TOM1L2: variants seen among roughly 807,000 people sequenced by gnomAD.
TOM1L2 encodes the protein TOM1-like protein 2.
A neutral mutation model predicts 67.9 loss-of-function variants in TOM1L2; 31 were observed. The observed-to-expected ratio is 0.46, with a 90% CI of 0.34 to 0.62. TOM1L2 has a LOEUF of 0.62. TOM1L2 is among the 20% of genes least tolerant of loss of function. TOM1L2 has a pLI of 0.01. For missense variants in TOM1L2, 606 were observed against 663.5 expected (o/e 0.91, Z 0.95); for synonymous variants, 256 against 254.0 (o/e 1.01, Z -0.07).
At chr17:17,970,587 G>T (rs976327854) in intron 1 of TOM1L2, among the ~76,000 whole-genome samples, 1 of 152,210 alleles carries the variant, frequency 6.6e-6, no homozygotes, top group Non-Finnish European at 1.5e-5. Context: ...GTAAGGAAGT[G>T]AGAATCCAGA....
chr17:17,890,749 T>C (rs1346286144), intron 4 of TOM1L2, among the ~76,000 whole-genome samples: 1 of 152,224 alleles, frequency 6.6e-6, no homozygotes, highest in Non-Finnish European at 1.5e-5. Context: ...GGTGTGGTCA[T>C]ATTCTGTTTC....
chr17:17,891,784 CGTGTGTGTGTGT>C (rs374192888), intron 4 of TOM1L2, among the ~76,000 whole-genome samples: 37 of 143,220 alleles, frequency 2.6e-4, no homozygotes, highest in African/African-American at 7.8e-4. Flanking sequence ...TGCATGCACA[CGTGTGTGTGTGT>C]GTGTGTGTGT....
intron 1 of TOM1L2, among the ~76,000 whole-genome samples, chr17:17,962,233 AG>A (rs1218325691): frequency 2.4e-5 from 1 of 41,736 alleles, no homozygotes; most frequent in Non-Finnish European, 4.0e-5. Context: ...GGTAGTTGCC[AG>A]GGGCTGGGGG....
intron 1 of TOM1L2, among the ~76,000 whole-genome samples, chr17:17,952,412 G>A (rs1331258837): frequency 1.5e-4 from 10 of 65,218 alleles, no homozygotes; most frequent in South Asian, 4.5e-4. Context: ...TTTTTTTTGA[G>A]ACAGGATTTC....
At chr17:17,905,173 T>A (rs1388988977) in intron 2 of TOM1L2, among the ~76,000 whole-genome samples, 1 of 152,212 alleles carries the variant, frequency 6.6e-6, no homozygotes, top group African/African-American at 2.4e-5. Flanking sequence ...ACCAAGCTGA[T>A]CACCTATATT....
rs762214201 is a variant in TOM1L2 at position 17,866,937 on chromosome 17, G to A, written c.912-13C>T. On this transcript the variant is annotated splice_polypyrimidine_tract_variant and intron_variant, in intron 8 of 14. Coordinates refer to ENST00000379504, the MANE Select transcript of TOM1L2 (RefSeq NM_001082968.2). ...GTATCGTTCGAACCTAACAGGGGAA[G>A]GGAAAGCAGAAGTAAGGAGAGAGGA... 1 of 1,613,926 alleles carries A rather than the reference G, an allele frequency of 6.2e-7. No homozygotes were observed. The highest frequency in any genetic ancestry group is 1.3e-5 in the African/African-American group (1 of 75,034).
At chr17:17,883,602 C>T (rs1208592788) in intron 5 of TOM1L2, among the ~76,000 whole-genome samples, 4 of 152,120 alleles carry the variant, frequency 2.6e-5, no homozygotes, top group Middle Eastern at 3.2e-3. Flanking sequence ...GGCATGGTGG[C>T]GGTCACCTGT....
chr17:17,852,930 C>T (rs561632163), intron 12 of TOM1L2, among the ~76,000 whole-genome samples: 4 of 150,752 alleles, frequency 2.7e-5, no homozygotes, highest in African/African-American at 9.8e-5. Flanking sequence ...TCTTATCACC[C>T]AGACATGAAA....
chr17:17,948,501 A>T (rs1211963310), intron 1 of TOM1L2, among the ~76,000 whole-genome samples: 3 of 151,924 alleles, frequency 2.0e-5, no homozygotes, highest in Non-Finnish European at 4.4e-5. Context: ...ACAAAACAAA[A>T]ATCAGCCAGG....
chr17:17,949,533 G>A (rs2144878523), intron 1 of TOM1L2, among the ~76,000 whole-genome samples: 1 of 152,362 alleles, frequency 6.6e-6, no homozygotes, highest in Non-Finnish European at 1.5e-5. Flanking sequence ...AAGTTAACAG[G>A]GAGTCATCAG....
At chr17:17,869,117 T>C in intron 8 of TOM1L2, 1 of 781,116 alleles carries the variant, frequency 1.3e-6, no homozygotes, top group African/African-American at 1.8e-5. Context: ...GGGCAGAGCC[T>C]AATTCTGCAC....
intron 1 of TOM1L2, among the ~76,000 whole-genome samples, chr17:17,935,979 A>T (rs988924110): frequency 3.9e-5 from 6 of 152,212 alleles, no homozygotes; most frequent in Non-Finnish European, 8.8e-5. Context: ...TCCTCCACCC[A>T]GCAGCTAGTG....
intron 12 of TOM1L2, among the ~76,000 whole-genome samples, chr17:17,855,762 G>A (rs558002840): frequency 6.6e-6 from 1 of 152,284 alleles, no homozygotes; most frequent in African/African-American, 2.4e-5. Flanking sequence ...TAGCTCAGGT[G>A]TACTATTTCC....
chr17:17,848,690 G>T, intron 14 of TOM1L2, 133 bp downstream of exon 14: 1 of 944,326 alleles, frequency 1.1e-6, no homozygotes, highest in Non-Finnish European at 1.6e-6. Context: ...AGCCACCCGT[G>T]AAGCCCATGG....
chr17:17,885,418 G>A (rs1598265779), intron 4 of TOM1L2, among the ~76,000 whole-genome samples: 2 of 152,326 alleles, frequency 1.3e-5, no homozygotes, highest in South Asian at 2.1e-4. Flanking sequence ...AGGCCAGACT[G>A]GGGAGTTCAC....
chr17:17,869,308 GAA>G (rs34879782), intron 8 of TOM1L2, 30 bp downstream of exon 8: 2,284 of 1,503,710 alleles, frequency 1.5e-3, no homozygotes, highest in East Asian at 7.5e-3. Flanking sequence ...CTTTTCAAGG[GAA>G]AAAAAAAAAA....
At chr17:17,867,776 C>T (rs141416225) in intron 8 of TOM1L2, among the ~76,000 whole-genome samples, 6 of 152,250 alleles carry the variant, frequency 3.9e-5, no homozygotes, top group African/African-American at 1.2e-4. Flanking sequence ...GAAAGAGATC[C>T]CCAGGAGGAA....
intron 1 of TOM1L2, among the ~76,000 whole-genome samples, chr17:17,956,532 C>T (rs866428182): frequency 1.3e-5 from 2 of 152,206 alleles, no homozygotes; most frequent in African/African-American, 2.4e-5. Flanking sequence ...TGGGACCGGG[C>T]GCAGTGGAGC....
At chr17:17,942,240 A>G (rs899734898) in intron 1 of TOM1L2, among the ~76,000 whole-genome samples, 2 of 152,212 alleles carry the variant, frequency 1.3e-5, no homozygotes, top group South Asian at 2.1e-4. Flanking sequence ...TGCCTGACCC[A>G]AGATCAGCAT....
Sources: gnomAD v4.1 joint callset for allele counts (sites outside exome capture counted in the v4.1 genomes callset) on GRCh38, gnomAD v4.1.1 for gene constraint, MANE v1.5 for transcripts, NCBI Gene and HGNC (gene_info 2026-07-23, HGNC 2026-07-21) for gene names.